GPR176: variants seen among roughly 807,000 people sequenced by gnomAD.
GPR176 encodes the protein G protein-coupled receptor 176.
A neutral mutation model predicts 35.4 loss-of-function variants in GPR176; 26 were observed. The ratio of observed to expected loss-of-function variants is 0.74; its 90% CI spans 0.54 to 1.02. GPR176 has a LOEUF of 1.02. Ranked by LOEUF, GPR176 falls within the 50% of genes least tolerant of loss-of-function variation. The pLI is 0.00. For synonymous variants in GPR176, 278 were observed against 271.3 expected (o/e 1.02, Z -0.24); for missense variants, 597 against 665.3 (o/e 0.90, Z 1.13).
intron 1 of GPR176, among the ~76,000 whole-genome samples, chr15:39,849,399 C>CA (rs1287950250): frequency 6.6e-6 from 1 of 151,898 alleles, no homozygotes; most frequent in Non-Finnish European, 1.5e-5. Flanking sequence ...TACTCTCTTC[C>CA]AAAAAACAGA....
intron 1 of GPR176, chr15:39,828,988 G>A (rs768185876): frequency 1.0e-4 from 69 of 688,416 alleles, no homozygotes; most frequent in Non-Finnish European, 1.6e-4. Context: ...CTAAGTATGC[G>A]TATCATGTGA....
intron 1 of GPR176, among the ~76,000 whole-genome samples, chr15:39,876,130 G>A (rs998502193): frequency 1.3e-5 from 2 of 151,782 alleles, no homozygotes; most frequent in African/African-American, 4.8e-5. Flanking sequence ...CAGCCTGGGT[G>A]ATCCAGCCTG....
intron 1 of GPR176, among the ~76,000 whole-genome samples, chr15:39,838,231 T>A (rs569869642): frequency 2.6e-5 from 4 of 152,132 alleles, no homozygotes; most frequent in Non-Finnish European, 5.9e-5. Context: ...AATGAATCTC[T>A]AAGTAATCTG....
chr15:39,837,612 T>C (rs370049576), intron 1 of GPR176, among the ~76,000 whole-genome samples: 36 of 152,298 alleles, frequency 2.4e-4, no homozygotes, highest in African/African-American at 7.9e-4. Flanking sequence ...GTAGTGGTGA[T>C]ACTAGTAGTG....
At chr15:39,877,056 TA>T (rs1331712940) in intron 1 of GPR176, among the ~76,000 whole-genome samples, 1 of 152,218 alleles carries the variant, frequency 6.6e-6, no homozygotes, top group Non-Finnish European at 1.5e-5. Context: ...TATTTTATCC[TA>T]TTTTTCTTAA....
At chr15:39,812,923 CAG>C (rs1899669219) in intron 1 of GPR176, among the ~76,000 whole-genome samples, 1 of 151,654 alleles carries the variant, frequency 6.6e-6, no homozygotes, top group South Asian at 2.1e-4. Flanking sequence ...TTTGTAGAGA[CAG>C]GGTCTCACTA....
intron 1 of GPR176, among the ~76,000 whole-genome samples, chr15:39,878,795 G>A (rs1020520342): frequency 6.6e-6 from 1 of 152,116 alleles, no homozygotes; most frequent in South Asian, 2.1e-4. Context: ...AAAGCTCTTT[G>A]GATAATAAAG....
Position 39,919,975 on chromosome 15 carries a change from C to G in GPR176, c.52G>C (p.Ala18Pro). The stretch of plus-strand genomic sequence containing the variant: ...ACACCCGCAGCCTCGGCGCCGGACG[C>G]GTTGTGCGGCTCGCTGGCATTTGGA... The part of the protein sequence containing the change: ...ISPNASEPHN[A>P]SGAEAAGVNR... The change falls in exon 1 of 3, where the codon GCG becomes CCG. Residue 18 changes from alanine to proline, a missense_variant. Ala to Pro is a conservative substitution (Grantham distance 27). This residue lies in a region of GPR176 where 126 missense variants were observed against 112.4 expected (regional missense o/e 1.12). Coordinates refer to ENST00000561100, the MANE Select transcript of GPR176 (RefSeq NM_007223.3). The G allele has an allele frequency of 6.8e-7, 1 of 1,472,502 alleles. No individual in the cohort carries two copies. Among genetic ancestry groups the G allele is most frequent in the Middle Eastern group, 2.0e-4 (1 of 4,996 alleles). The allele number at this position is 1,472,502 out of a possible 1,614,324, so 91.2% of individuals were successfully genotyped here. A position where few individuals can be genotyped will look rare whatever the true frequency, so the allele number is the denominator to read the frequency against.
At chr15:39,914,488 AT>A (rs981754174) in intron 1 of GPR176, among the ~76,000 whole-genome samples, 5 of 151,704 alleles carry the variant, frequency 3.3e-5, no homozygotes, top group Non-Finnish European at 4.4e-5. Context: ...TAATTTTTGT[AT>A]TTTTTACTAG....
intron 1 of GPR176, among the ~76,000 whole-genome samples, chr15:39,825,892 C>T (rs1362343702): frequency 1.3e-5 from 2 of 152,158 alleles, no homozygotes; most frequent in Admixed American, 6.5e-5. Context: ...TATGCTTTTC[C>T]AAATGCATTA....
intron 1 of GPR176, among the ~76,000 whole-genome samples, chr15:39,907,769 G>C (rs1056568662): frequency 2.8e-4 from 43 of 152,064 alleles, no homozygotes; most frequent in African/African-American, 1.0e-3. Flanking sequence ...TTGCCACTAG[G>C]TTTTTATGTT....
chr15:39,824,621 C>A (rs1900500866), intron 1 of GPR176, among the ~76,000 whole-genome samples: 1 of 152,190 alleles, frequency 6.6e-6, no homozygotes, highest in African/African-American at 2.4e-5. Flanking sequence ...CCACTATAGC[C>A]CCAATGCCTA....
At chr15:39,853,203 G>A (rs1166685532) in intron 1 of GPR176, among the ~76,000 whole-genome samples, 4 of 152,090 alleles carry the variant, frequency 2.6e-5, no homozygotes. Context: ...AAGAAAACAT[G>A]ATATATACAT....
At chr15:39,851,806 G>A (rs1441531214) in intron 1 of GPR176, among the ~76,000 whole-genome samples, 1 of 152,118 alleles carries the variant, frequency 6.6e-6, no homozygotes, top group African/African-American at 2.4e-5. Context: ...AGAATTTGTT[G>A]CCATTTCCAG....
intron 1 of GPR176, among the ~76,000 whole-genome samples, chr15:39,865,387 A>T (rs543826451): frequency 6.6e-6 from 1 of 152,344 alleles, no homozygotes; most frequent in African/African-American, 2.4e-5. Flanking sequence ...CAATGAAATC[A>T]TGTCTTCTTC....
chr15:39,825,399 T>TTA (rs1171834356), intron 1 of GPR176, among the ~76,000 whole-genome samples: 2 of 152,142 alleles, frequency 1.3e-5, no homozygotes, highest in Admixed American at 6.5e-5. Context: ...TACCATCTTC[T>TTA]TATATATATA....
chr15:39,914,734 G>T (rs1328269269), intron 1 of GPR176, among the ~76,000 whole-genome samples: 2 of 152,170 alleles, frequency 1.3e-5, no homozygotes, highest in Non-Finnish European at 2.9e-5. Context: ...AACTAAAAAT[G>T]ATCCTGAGTA....
At chr15:39,876,755 G>C (rs533653263) in intron 1 of GPR176, among the ~76,000 whole-genome samples, 1 of 152,114 alleles carries the variant, frequency 6.6e-6, no homozygotes, top group African/African-American at 2.4e-5. Context: ...TTGGAGCCCA[G>C]GAGGTTGAGG....
chr15:39,799,324 T>A lies in GPR176; in HGVS notation c.*1808A>T, dbSNP rs148289384. 6.6e-6 allele frequency: 1 copy of A among 152,238 alleles called. No homozygotes were observed. Among genetic ancestry groups the A allele is most frequent in the Non-Finnish European group, 1.5e-5 (1 of 68,042 alleles). 9.4% of individuals were successfully genotyped at this position (152,238 alleles called of 1,614,324 possible). A position where few individuals can be genotyped will look rare whatever the true frequency, so the allele number is the denominator to read the frequency against. On this transcript the variant is annotated 3_prime_UTR_variant, in exon 3 of 3. Coordinates refer to ENST00000561100, the MANE Select transcript of GPR176 (RefSeq NM_007223.3). ...AAGACAAGCTTGAAGGGCCACAGCA[T>A]TGACTATCAGGGCAAGGAGCTATAG...
Sources: gnomAD v4.1 joint callset for allele counts (sites outside exome capture counted in the v4.1 genomes callset) on GRCh38, gnomAD v4.1.1 for gene constraint, gnomAD v4.1.1 regional missense constraint, MANE v1.5 for transcripts, NCBI Gene and HGNC (gene_info 2026-07-23, HGNC 2026-07-21) for gene names.